Variants in SLC24A3 observed in about 807,000 individuals in gnomAD.
SLC24A3 encodes the protein sodium/potassium/calcium exchanger 3.
SLC24A3 carries 28 observed loss-of-function variants against 75.8 expected under a neutral mutation model. That is an observed-to-expected ratio of 0.37 (90% confidence interval 0.27 to 0.51). The LOEUF (loss-of-function observed/expected upper bound fraction) is 0.51. Ranked by LOEUF, SLC24A3 falls within the 20% of genes least tolerant of loss-of-function variation. The pLI is 0.94. For missense variants in SLC24A3, 663 were observed against 847.8 expected (o/e 0.78, Z 2.71); for synonymous variants, 372 against 334.1 (o/e 1.11, Z -1.24).
At chr20:19,322,967 G>C (rs2122279284) in intron 2 of SLC24A3, among the ~76,000 whole-genome samples, 2 of 152,198 alleles carry the variant, frequency 1.3e-5, no homozygotes, top group Middle Eastern at 6.8e-3. Flanking sequence ...AGCACTTTGG[G>C]AGGCCGAGGC....
intron 7 of SLC24A3, among the ~76,000 whole-genome samples, chr20:19,656,826 A>G (rs1185044155): frequency 6.6e-6 from 1 of 152,236 alleles, no homozygotes; most frequent in African/African-American, 2.4e-5. Flanking sequence ...TGTTTTCCGC[A>G]TAGACACTAA....
At chr20:19,460,756 T>G (rs1443025701) in intron 2 of SLC24A3, among the ~76,000 whole-genome samples, 1 of 152,230 alleles carries the variant, frequency 6.6e-6, no homozygotes, top group Non-Finnish European at 1.5e-5. Context: ...AGCCTCATAC[T>G]GCAGGCCCTC....
intron 13 of SLC24A3, 35 bp downstream of exon 13, chr20:19,693,460 T>G (rs746031834): frequency 3.7e-6 from 6 of 1,608,014 alleles, no homozygotes; most frequent in South Asian, 2.2e-5. Flanking sequence ...CACTGTTAAA[T>G]CTCTTTAGAG....
intron 9 of SLC24A3, among the ~76,000 whole-genome samples, chr20:19,679,637 A>G (rs954134589): frequency 1.3e-5 from 2 of 152,146 alleles, no homozygotes; most frequent in Admixed American, 1.3e-4. Context: ...TTCTAAAAGG[A>G]CTATTTTCTT....
At chr20:19,376,402 G>A (rs901474865) in intron 2 of SLC24A3, among the ~76,000 whole-genome samples, 1 of 152,170 alleles carries the variant, frequency 6.6e-6, no homozygotes, top group Non-Finnish European at 1.5e-5. Flanking sequence ...GTAAGAGAAG[G>A]ATTAATGGAA....
intron 3 of SLC24A3, among the ~76,000 whole-genome samples, chr20:19,525,918 G>A (rs1007700261): frequency 6.6e-6 from 1 of 152,168 alleles, no homozygotes; most frequent in Non-Finnish European, 1.5e-5. Context: ...TCCTCTGGGA[G>A]TCTCCTGAGG....
At chr20:19,325,264 A>AAATAAT (rs372287889) in intron 2 of SLC24A3, among the ~76,000 whole-genome samples, 9 of 150,496 alleles carry the variant, frequency 6.0e-5, no homozygotes, top group African/African-American at 1.2e-4. Context: ...CTGCACTACA[A>AAATAAT]AATAATAATA....
intron 2 of SLC24A3, among the ~76,000 whole-genome samples, chr20:19,295,891 T>A (rs1437093330): frequency 2.0e-5 from 3 of 152,110 alleles, no homozygotes; most frequent in African/African-American, 7.2e-5. Context: ...TAGAGAGAAG[T>A]CCCTCCTTCT....
intron 2 of SLC24A3, among the ~76,000 whole-genome samples, chr20:19,390,968 C>CTA (rs1260379800): frequency 2.6e-5 from 4 of 152,140 alleles, no homozygotes; most frequent in African/African-American, 9.7e-5. Flanking sequence ...GGGAGCCAGA[C>CTA]TATAGCCTTG....
At chr20:19,524,346 C>T (rs916718423) in intron 3 of SLC24A3, among the ~76,000 whole-genome samples, 2 of 152,228 alleles carry the variant, frequency 1.3e-5, no homozygotes, top group East Asian at 1.9e-4. Context: ...AGTCCCTCCT[C>T]GACATCCACA....
At chr20:19,539,937 G>A (rs890227358) in intron 3 of SLC24A3, among the ~76,000 whole-genome samples, 32 of 152,018 alleles carry the variant, frequency 2.1e-4, no homozygotes, top group Non-Finnish European at 2.9e-5. Flanking sequence ...CTAAATAGGA[G>A]GCAGAACTCT....
chr20:19,531,736 G>A (rs530554682), intron 3 of SLC24A3, among the ~76,000 whole-genome samples: 5 of 152,290 alleles, frequency 3.3e-5, no homozygotes, highest in South Asian at 4.1e-4. Context: ...CATGGCCACT[G>A]CCTCTGAGGA....
At chr20:19,598,697 G>C (rs1247181933) in intron 6 of SLC24A3, among the ~76,000 whole-genome samples, 2 of 151,990 alleles carry the variant, frequency 1.3e-5, no homozygotes, top group Non-Finnish European at 2.9e-5. Context: ...CAAGGCGTGG[G>C]TACAGCTGTT....
chr20:19,409,453 T>G lies in SLC24A3; in HGVS notation c.272-106035T>G, dbSNP rs113405249. 5.5e-3 allele frequency among the ~76,000 whole-genome samples: 832 copies of G among 152,266 alleles called. 5 individuals are homozygous for G. The highest frequency in any genetic ancestry group is 0.019 in the African/African-American group (801 of 41,518). On this transcript the variant is annotated intron_variant, in intron 2 of 16. Coordinates refer to ENST00000328041, the MANE Select transcript of SLC24A3 (RefSeq NM_020689.4). ...CATGACCTGAGAAGGAGGAGAATGTTCTGTGCCGGATCAGACAAGTGAACT... is the reference window on the plus strand; with the variant it reads ...CATGACCTGAGAAGGAGGAGAATGTGCTGTGCCGGATCAGACAAGTGAACT...
At chr20:19,287,421 A>C (rs1351682175) in intron 2 of SLC24A3, among the ~76,000 whole-genome samples, 1 of 152,258 alleles carries the variant, frequency 6.6e-6, no homozygotes, top group Non-Finnish European at 1.5e-5. Flanking sequence ...TGTAGAAAGA[A>C]GAAGAAACAG....
chr20:19,534,127 A>T (rs2030353165), intron 3 of SLC24A3, among the ~76,000 whole-genome samples: 1 of 152,254 alleles, frequency 6.6e-6, no homozygotes, highest in Non-Finnish European at 1.5e-5. Flanking sequence ...CAGCTACATA[A>T]ATAGCAAAGC....
intron 2 of SLC24A3, among the ~76,000 whole-genome samples, chr20:19,323,101 G>A (rs1984751761): frequency 6.6e-6 from 1 of 150,670 alleles, no homozygotes; most frequent in African/African-American, 2.5e-5. Context: ...AGCTACTCGG[G>A]AGGCTGAGGC....
intron 2 of SLC24A3, among the ~76,000 whole-genome samples, chr20:19,450,826 C>T (rs1987466714): frequency 6.6e-6 from 1 of 152,086 alleles, no homozygotes; most frequent in Admixed American, 6.5e-5. Context: ...TGGTGAAACC[C>T]CATCTCTACT....
Position 19,280,827 on chromosome 20 carries a change from T to G in SLC24A3, c.143-132T>G, listed in dbSNP as rs886390780. ...TGCGGCAAGGAAGCCTTCAGGCAGCTAGAGGCAGAGTGGCTGGGGGTGCAG... is the reference window on the plus strand; with the variant it reads ...TGCGGCAAGGAAGCCTTCAGGCAGCGAGAGGCAGAGTGGCTGGGGGTGCAG... On this transcript the variant is annotated intron_variant, in intron 1 of 16. Transcript: ENST00000328041. 8.4e-6 allele frequency: 11 copies of G among 1,309,352 alleles called. No individual in the cohort carries two copies. In the African/African-American group the frequency reaches 1.5e-4, roughly 17 times the overall value. 81.1% of individuals were successfully genotyped at this position (1,309,352 alleles called of 1,614,324 possible).
Sources: allele counts gnomAD v4.1 joint callset (sites outside exome capture counted in the v4.1 genomes callset), GRCh38; gene constraint gnomAD v4.1.1; transcripts MANE v1.5; gene names NCBI Gene and HGNC (gene_info 2026-07-23, HGNC 2026-07-21).